LDB3: variants seen among roughly 807,000 people sequenced by gnomAD.
LDB3 encodes the protein LIM domain binding 3, also known as LIM domain-binding protein 3.
LDB3 carries 49 observed loss-of-function variants against 69.0 expected under a neutral mutation model. The ratio of observed to expected loss-of-function variants is 0.71; its 90% CI spans 0.56 to 0.90. LDB3 has a LOEUF of 0.90. Among genes scored for constraint, LDB3 ranks in the 40% least tolerant of loss-of-function variants. The pLI, the probability that LDB3 is intolerant of heterozygous loss-of-function variation, is 0.00. For synonymous variants in LDB3, 387 were observed against 396.2 expected, an observed-to-expected ratio of 0.98 and a Z score of 0.28; for missense variants, 928 against 974.1, an observed-to-expected ratio of 0.95 and a Z score of 0.63.
chr10:86,669,355 C>T (rs1844334447), intron 2 of LDB3, among the ~76,000 whole-genome samples: 1 of 152,232 alleles, frequency 6.6e-6, no homozygotes, highest in Non-Finnish European at 1.5e-5. Context: ...GCGCTTCTCC[C>T]CATTCACCAT....
At chr10:86,717,903 C>G in intron 10 of LDB3, 61 bp from the exon 11 acceptor site, 1 of 1,524,372 alleles carries the variant, frequency 6.6e-7, no homozygotes, top group Non-Finnish European at 9.1e-7. Context: ...TGGGGTTCTT[C>G]AAATATCTAA....
chr10:86,676,082 AT>A (rs1331614506), intron 2 of LDB3, among the ~76,000 whole-genome samples: 3 of 152,234 alleles, frequency 2.0e-5, no homozygotes, highest in Non-Finnish European at 2.9e-5. Flanking sequence ...GGCTATGTGT[AT>A]TTTAAGAAAT....
At position 86,704,893 on chromosome 10, in the gene LDB3, C is replaced by T. The variant is rs544381643; in HGVS notation, c.897-1638C>T. Among the ~76,000 whole-genome samples the T allele has an allele frequency of 1.6e-4, 25 of 152,124 alleles. No homozygotes were observed. The South Asian group carries it at 5.0e-3, about 30-fold the overall frequency. On this transcript the variant is annotated intron_variant, in intron 7 of 13. Coordinates refer to ENST00000361373, the MANE Select transcript of LDB3 (RefSeq NM_007078.3). Reference sequence around the variant, plus strand: ...CACTGTGCCCGGCCTAATTTTGTTTCTTAGTAGAGACAAGGTTTCTCCACG... The same window carrying T: ...CACTGTGCCCGGCCTAATTTTGTTTTTTAGTAGAGACAAGGTTTCTCCACG...
chr10:86,698,677 G>A (rs1163177402), intron 7 of LDB3, among the ~76,000 whole-genome samples: 19 of 152,208 alleles, frequency 1.2e-4, no homozygotes, highest in Non-Finnish European at 2.8e-4. Context: ...ATGTGCCCAG[G>A]CTGTGCTCAG....
At chr10:86,710,495 C>G (rs1013617036) in intron 9 of LDB3, among the ~76,000 whole-genome samples, 5 of 152,204 alleles carry the variant, frequency 3.3e-5, no homozygotes, top group Non-Finnish European at 7.3e-5. Context: ...GAGGCTGAGG[C>G]AGGAGAATCG....
At position 86,735,279 on chromosome 10, in the gene LDB3, A is replaced by G. The variant is rs1269447064; in HGVS notation, c.*2303A>G. ...AAAAAAACAAAAAAACAAAAAAAAA[A>G]CCACTTAAAAGGTAGCAGGAAAAGA... On this transcript the variant is annotated 3_prime_UTR_variant, in exon 14 of 14. Transcript: ENST00000361373. 6.6e-6 allele frequency: 1 copy of G among 151,844 alleles called. No individual in the cohort carries two copies. Among genetic ancestry groups the G allele is most frequent in the Non-Finnish European group, 1.5e-5 (1 of 67,982 alleles). 9.4% of individuals were successfully genotyped at this position (151,844 alleles called of 1,614,324 possible). A position where few individuals can be genotyped will look rare whatever the true frequency, so the allele number is the denominator to read the frequency against.
At position 86,692,138 on chromosome 10, in the gene LDB3, C is replaced by T. The variant is rs868376321; in HGVS notation, c.859+73C>T. ...GGCCACCAGGGACCTGGGCCCAGCA[C>T]TGCAGAAGCCAGGGAGTCCTGCTAC... On this transcript the variant is annotated intron_variant, in intron 6 of 13. Transcript: ENST00000361373. 48 of 1,550,966 alleles carry T rather than the reference C, an allele frequency of 3.1e-5. No homozygotes were observed. In the African/African-American group the frequency reaches 5.7e-4, roughly 18 times the overall value.
At chr10:86,690,011 G>A (rs532660634) in intron 5 of LDB3, among the ~76,000 whole-genome samples, 1 of 152,308 alleles carries the variant, frequency 6.6e-6, no homozygotes, top group African/African-American at 2.4e-5. Context: ...GCAGCAACAA[G>A]AGTCCCTGGT....
intron 7 of LDB3, 137 bp from the exon 8 acceptor site, chr10:86,706,394 A>C: frequency 1.1e-6 from 1 of 924,872 alleles, no homozygotes; most frequent in Non-Finnish European, 1.8e-6. Flanking sequence ...CCCTCTGAGG[A>C]TCCTACTCTG....
intron 9 of LDB3, chr10:86,710,444 G>A: frequency 5.6e-6 from 1 of 180,014 alleles, no homozygotes; most frequent in East Asian, 1.9e-4. Context: ...TCAAAAATTA[G>A]CCGGGCGTGG....
chr10:86,687,843 A>G (rs540408459), intron 5 of LDB3, among the ~76,000 whole-genome samples: 207 of 152,356 alleles, frequency 1.4e-3, no homozygotes, highest in African/African-American at 4.7e-3. Flanking sequence ...TGGTTCCTGG[A>G]ATTCACCCAT....
At chr10:86,732,778 A>G (rs770777618) in intron 13 of LDB3, 109 bp from the exon 14 acceptor site, 7 of 815,080 alleles carry the variant, frequency 8.6e-6, no homozygotes, top group Non-Finnish European at 1.4e-5. Flanking sequence ...TGCTGGGATT[A>G]CAGGACTGAG....
At chr10:86,703,425 G>A (rs1203564323) in intron 7 of LDB3, among the ~76,000 whole-genome samples, 1 of 152,232 alleles carries the variant, frequency 6.6e-6, no homozygotes, top group African/African-American at 2.4e-5. Context: ...CCAGGGCCAG[G>A]CACGGCTGCA....
At chr10:86,682,086 C>G (rs186742151) in intron 5 of LDB3, among the ~76,000 whole-genome samples, 2 of 152,168 alleles carry the variant, frequency 1.3e-5, no homozygotes, top group Non-Finnish European at 2.9e-5. Flanking sequence ...ACCATGTGGC[C>G]GAGCCAGTCC....
intron 8 of LDB3, among the ~76,000 whole-genome samples, chr10:86,707,751 GC>G (rs1211780631): frequency 6.6e-6 from 1 of 152,192 alleles, no homozygotes; most frequent in African/African-American, 2.4e-5. Flanking sequence ...CCTGTCTGCT[GC>G]CCCCATCCCG....
Position 86,718,050 on chromosome 10 carries a change from G to A in LDB3, c.1763G>A (p.Cys588Tyr), listed in dbSNP as rs1449207508. ...TGCAAGACTTCCCTGGCAGATGTGT[G>A]CTTTGTGGAAGAGCAGAACAACGTT... The part of the protein sequence containing the change: ...AYCKTSLADV[C>Y]FVEEQNNVYC... Residue 588 changes from cysteine to tyrosine, a missense_variant, in exon 11 of 14, where the codon TGC becomes TAC. Coordinates refer to ENST00000361373, the MANE Select transcript of LDB3 (RefSeq NM_007078.3). 6.2e-7 allele frequency: 1 copy of A among 1,614,208 alleles called. No homozygotes were observed. The highest frequency in any genetic ancestry group is 1.7e-5 in the Admixed American group (1 of 60,028).
chr10:86,726,476 G>A (rs958127628), intron 13 of LDB3: 44 of 575,512 alleles, frequency 7.6e-5, no homozygotes, highest in African/African-American at 3.9e-4. Context: ...TTTCCATTTC[G>A]TTAAGGACAA....
intron 13 of LDB3, among the ~76,000 whole-genome samples, chr10:86,727,832 C>CTTTTTTTTTTT (rs928374489): frequency 7.4e-6 from 1 of 134,374 alleles, no homozygotes; most frequent in Non-Finnish European, 1.6e-5. Flanking sequence ...TGTGGGTCTC[C>CTTTTTTTTTTT]TTTTTTTTTT....
At chr10:86,691,824 G>C in intron 5 of LDB3, 72 bp from the exon 6 acceptor site, 1 of 1,560,722 alleles carries the variant, frequency 6.4e-7, no homozygotes, top group Non-Finnish European at 8.8e-7. Context: ...AATGGGCATG[G>C]AGCAGGGACC....
Sources: allele counts gnomAD v4.1 joint callset (sites outside exome capture counted in the v4.1 genomes callset), GRCh38; gene constraint gnomAD v4.1.1; transcripts MANE v1.5; gene names NCBI Gene and HGNC (gene_info 2026-07-23, HGNC 2026-07-21).